The following ROS1 variants were observed in gnomAD, a reference collection of about 807,000 sequenced individuals.
ROS1 encodes the protein proto-oncogene tyrosine-protein kinase ROS.
In ROS1, 263 loss-of-function variants were observed where a neutral mutation model predicts 273.5. The observed-to-expected ratio is 0.96, with a 90% CI of 0.87 to 1.06. ROS1 has a LOEUF of 1.06. Ranked by LOEUF, ROS1 falls within the 50% of genes least tolerant of loss-of-function variation. ROS1 has a pLI of 0.00. For synonymous variants in ROS1, 1,008 were observed against 954.1 expected (o/e 1.06, Z -1.04); for missense variants, 2,833 against 2,751.1 (o/e 1.03, Z -0.67).
chr6:117,321,605 C>T (rs1776298436), intron 35 of ROS1, among the ~76,000 whole-genome samples: 1 of 152,064 alleles, frequency 6.6e-6, no homozygotes, highest in African/African-American at 2.4e-5. Context: ...AATCATACTA[C>T]ACCATTTTTA....
intron 1 of ROS1, among the ~76,000 whole-genome samples, chr6:117,421,827 T>C (rs1775784441): frequency 6.6e-6 from 1 of 152,196 alleles, no homozygotes; most frequent in South Asian, 2.1e-4. Context: ...ACTGTTGTCA[T>C]AACAGTTTAA....
At chr6:117,391,196 C>T (rs1773037560) in intron 12 of ROS1, among the ~76,000 whole-genome samples, 2 of 152,190 alleles carry the variant, frequency 1.3e-5, no homozygotes, top group African/African-American at 4.8e-5. Flanking sequence ...AGATATGTAG[C>T]TATGTTCTTT....
At chr6:117,404,599 A>T (rs1774247201) in intron 5 of ROS1, among the ~76,000 whole-genome samples, 171 bp from the exon 6 acceptor site, 1 of 143,698 alleles carries the variant, frequency 7.0e-6, no homozygotes, top group Admixed American at 6.7e-5. Flanking sequence ...TTAAAAAATC[A>T]ATCAGTCAGT....
chr6:117,396,095 T>G (rs1314462084), intron 9 of ROS1, 93 bp downstream of exon 9: 4 of 803,316 alleles, frequency 5.0e-6, no homozygotes, highest in Non-Finnish European at 8.4e-6. Context: ...AGGTGGGTCT[T>G]GAGGTCTACC....
intron 16 of ROS1, 75 bp downstream of exon 16, chr6:117,385,608 A>AT: frequency 7.5e-7 from 1 of 1,327,138 alleles, no homozygotes; most frequent in Non-Finnish European, 1.0e-6. Flanking sequence ...AAAAAAAAAA[A>AT]AGAAATTGGT....
intron 4 of ROS1, among the ~76,000 whole-genome samples, chr6:117,414,110 A>T (rs1333385296): frequency 6.6e-6 from 1 of 152,198 alleles, no homozygotes; most frequent in Non-Finnish European, 1.5e-5. Flanking sequence ...ATATTTAATG[A>T]TAGAGCACTA....
intron 18 of ROS1, among the ~76,000 whole-genome samples, chr6:117,369,346 G>A (rs1392863953): frequency 6.6e-6 from 1 of 152,074 alleles, no homozygotes; most frequent in African/African-American, 2.4e-5. Context: ...GTGGATGCTC[G>A]AGGAGCTAGA....
At chr6:117,410,317 C>A (rs530012704) in intron 4 of ROS1, among the ~76,000 whole-genome samples, 2 of 152,232 alleles carry the variant, frequency 1.3e-5, no homozygotes, top group Non-Finnish European at 2.9e-5. Flanking sequence ...AAATCTAAAA[C>A]TTTAGAGTAA....
chr6:117,344,133 G>A lies in ROS1; in HGVS notation c.4433C>T (p.Thr1478Ile), dbSNP rs922427037. The A allele has an allele frequency of 6.2e-7, 1 of 1,613,996 alleles. No individual in the cohort carries two copies. The highest frequency in any genetic ancestry group is 8.5e-7 in the Non-Finnish European group (1 of 1,179,926). The change falls in exon 28 of 44, where the codon ACT becomes ATT. Residue 1478 changes from threonine to isoleucine, a missense_variant. Transcript: ENST00000368507. Reference sequence around the variant, plus strand: ...TGCATAATAAACCAGGTATGTTGGAGTAGGGCTGGTGATGCCATACCATGT... The same window carrying A: ...TGCATAATAAACCAGGTATGTTGGAATAGGGCTGGTGATGCCATACCATGT... ...NLTWYGITSP[T>I]PTYLVYYAEV...
intron 43 of ROS1, among the ~76,000 whole-genome samples, chr6:117,298,047 T>A (rs546806183): frequency 6.7e-6 from 1 of 149,464 alleles, no homozygotes; most frequent in South Asian, 2.1e-4. Flanking sequence ...TAAAAAGGAA[T>A]GAAATCATGT....
chr6:117,394,780 C>G (rs1773362201), intron 9 of ROS1, 42 bp from the exon 10 acceptor site: 1 of 1,544,646 alleles, frequency 6.5e-7, no homozygotes, highest in Non-Finnish European at 8.8e-7. Flanking sequence ...AGACCAACCA[C>G]AGGTACACTA....
intron 42 of ROS1, among the ~76,000 whole-genome samples, chr6:117,302,222 T>G (rs899845844): frequency 2.0e-5 from 3 of 152,226 alleles, no homozygotes; most frequent in African/African-American, 7.2e-5. Flanking sequence ...TTAGTCCCAC[T>G]ATTTTAAACA....
At chr6:117,378,832 T>G (rs1344754104) in intron 18 of ROS1, among the ~76,000 whole-genome samples, 1 of 152,158 alleles carries the variant, frequency 6.6e-6, no homozygotes, top group Non-Finnish European at 1.5e-5. Context: ...TTAAGCAGCA[T>G]TCTCCTGAGT....
Position 117,352,927 on chromosome 6 carries a change from G to A in ROS1, c.4303+63C>T, listed in dbSNP as rs1015607776. ...AAGGGACAGCCTTGGAGAAGGAGAT[G>A]TTATGAGATTTTTCTGACCCTAAAT... On this transcript the variant is annotated intron_variant, in intron 27 of 43. Coordinates refer to ENST00000368507, the MANE Select transcript of ROS1 (RefSeq NM_001378902.1). 16 of 1,464,748 alleles carry A rather than the reference G, an allele frequency of 1.1e-5. No individual in the cohort carries two copies. In the Admixed American group the frequency reaches 1.3e-4, roughly 11 times the overall value. The allele number at this position is 1,464,748 out of a possible 1,614,324, so 90.7% of individuals were successfully genotyped here. A position where few individuals can be genotyped will look rare whatever the true frequency, so the allele number is the denominator to read the frequency against.
intron 12 of ROS1, among the ~76,000 whole-genome samples, chr6:117,391,176 C>A (rs1453390906): frequency 6.6e-6 from 1 of 152,172 alleles, no homozygotes; most frequent in Admixed American, 6.5e-5. Flanking sequence ...GAGATATAAG[C>A]TCCATTTTGA....
At position 117,301,030 on chromosome 6, in the gene ROS1, A is replaced by G; in HGVS notation, c.6659T>C (p.Ile2220Thr). 6.2e-7 allele frequency: 1 copy of G among 1,605,764 alleles called. No homozygotes were observed. Residue 2220 changes from isoleucine (I) to threonine (T), a missense_variant, in exon 43 of 44, where the codon ATT becomes ACT. Coordinates refer to ENST00000368507, the MANE Select transcript of ROS1 (RefSeq NM_001378902.1). ...GTTTGCTTCATCTCTGGACTTATAA[A>G]TGCTATTTAAGAAAAAATTTCTGAA... ...QLFRNFFLNS[I>T]YKSRDEANNS... is the part of the protein sequence containing the mutation.
chr6:117,373,385 G>C (rs1012923556), intron 18 of ROS1, among the ~76,000 whole-genome samples: 11 of 152,340 alleles, frequency 7.2e-5, no homozygotes, highest in Admixed American at 2.6e-4. Flanking sequence ...AGCCCACCAC[G>C]GGGGGACTTG....
At chr6:117,359,506 T>C (rs1779605131) in intron 24 of ROS1, among the ~76,000 whole-genome samples, 1 of 152,176 alleles carries the variant, frequency 6.6e-6, no homozygotes. Context: ...CAATACTGCC[T>C]TCCTAGTGTT....
chr6:117,383,630 G>T, intron 16 of ROS1, 122 bp from the exon 17 acceptor site: 1 of 793,146 alleles, frequency 1.3e-6, no homozygotes, highest in Non-Finnish European at 2.1e-6. Flanking sequence ...CACAAATAGT[G>T]ATTGGCACTA....
Sources: gnomAD v4.1 joint callset for allele counts (sites outside exome capture counted in the v4.1 genomes callset) on GRCh38, gnomAD v4.1.1 for gene constraint, MANE v1.5 for transcripts, NCBI Gene and HGNC (gene_info 2026-07-23, HGNC 2026-07-21) for gene names.